Variants in CNTNAP5 observed in about 807,000 individuals in gnomAD.
CNTNAP5 encodes the protein contactin-associated protein-like 5.
CNTNAP5 carries 72 observed loss-of-function variants against 150.2 expected under a neutral mutation model. The observed-to-expected ratio is 0.48, with a 90% CI of 0.40 to 0.58. CNTNAP5 has a LOEUF of 0.58. Ranked by LOEUF, CNTNAP5 falls within the 20% of genes least tolerant of loss-of-function variation. The pLI, the probability that CNTNAP5 is intolerant of heterozygous loss-of-function variation, is 0.00. For missense variants in CNTNAP5, 1,636 were observed against 1,626.2 expected, an observed-to-expected ratio of 1.01 and a Z score of -0.10; for synonymous variants, 672 against 619.8, an observed-to-expected ratio of 1.08 and a Z score of -1.25.
intron 11 of CNTNAP5, among the ~76,000 whole-genome samples, chr2:124,572,754 C>A (rs1229499493): frequency 6.6e-6 from 1 of 152,166 alleles, no homozygotes; most frequent in African/African-American, 2.4e-5. Flanking sequence ...ACTCCGGCGG[C>A]TCTTCAAACA....
chr2:124,029,669 C>G (rs191132048), intron 1 of CNTNAP5, among the ~76,000 whole-genome samples: 22 of 152,044 alleles, frequency 1.4e-4, no homozygotes, highest in Non-Finnish European at 1.5e-5. Context: ...TCCTTTGTTC[C>G]TCTGCCCAAT....
chr2:124,384,751 G>C (rs774497647), intron 3 of CNTNAP5, among the ~76,000 whole-genome samples: 5 of 152,182 alleles, frequency 3.3e-5, no homozygotes, highest in African/African-American at 4.8e-5. Context: ...TGGATTTCTT[G>C]TCCCTCCGCT....
chr2:124,883,295 C>T (rs1678007150), intron 21 of CNTNAP5, among the ~76,000 whole-genome samples: 1 of 151,894 alleles, frequency 6.6e-6, no homozygotes, highest in African/African-American at 2.4e-5. Flanking sequence ...CTCATGGGCT[C>T]AAGCAATCTA....
At chr2:124,655,945 G>GAGAGAGAAAGAAAGAAAGAA (rs1553427800) in intron 13 of CNTNAP5, among the ~76,000 whole-genome samples, 20 of 55,520 alleles carry the variant, frequency 3.6e-4, no homozygotes, top group South Asian at 2.3e-3. Flanking sequence ...GAGAGAGAGA[G>GAGAGAGAAAGAAAGAAAGAA]AGAAAGAAAG....
chr2:124,655,941 G>GAAAGAAAGAA (rs1180720883), intron 13 of CNTNAP5, among the ~76,000 whole-genome samples: 2,026 of 57,460 alleles, frequency 0.035, 25 homozygotes, highest in African/African-American at 0.055. Context: ...GAGAGAGAGA[G>GAAAGAAAGAA]AGAGAGAAAG....
chr2:124,192,369 G>A (rs1685479626), intron 1 of CNTNAP5, among the ~76,000 whole-genome samples: 1 of 152,124 alleles, frequency 6.6e-6, no homozygotes, highest in Admixed American at 6.6e-5. Context: ...TGCAGCCCTG[G>A]CACTTCTTTG....
intron 11 of CNTNAP5, among the ~76,000 whole-genome samples, chr2:124,579,894 A>C (rs186605097): frequency 3.3e-5 from 5 of 152,360 alleles, no homozygotes; most frequent in African/African-American, 1.2e-4. Context: ...TTTTGGACTG[A>C]GTTCATGCAC....
chr2:124,820,560 G>A (rs1218676610), intron 19 of CNTNAP5, among the ~76,000 whole-genome samples: 1 of 152,070 alleles, frequency 6.6e-6, no homozygotes, highest in African/African-American at 2.4e-5. Context: ...GAAAGCAAAA[G>A]AGAAGCAAAC....
chr2:124,147,419 G>A (rs1684281754), intron 1 of CNTNAP5, among the ~76,000 whole-genome samples: 1 of 152,174 alleles, frequency 6.6e-6, no homozygotes, highest in Non-Finnish European at 1.5e-5. Flanking sequence ...GCGGAATAAA[G>A]AGAGTATTAG....
At chr2:124,518,131 A>C (rs1694771636) in intron 8 of CNTNAP5, among the ~76,000 whole-genome samples, 1 of 152,116 alleles carries the variant, frequency 6.6e-6, no homozygotes, top group Non-Finnish European at 1.5e-5. Context: ...ACCCCACTTT[A>C]AGCCCAAACC....
rs564421761 is a variant in CNTNAP5, at chr2:124,159,212, A to AT, written c.83-62486dup. ...GTTTTGGTTGTTTCTTTTTATTCAG[A>AT]TTTTTTTAAAAGGTTTAGGTGATAT... On this transcript the variant is annotated intron_variant, in intron 1 of 23. Transcript: ENST00000682447. 5.6e-3 allele frequency among the ~76,000 whole-genome samples: 853 copies of AT among 152,276 alleles called. 9 individuals carry two copies. The highest frequency in any genetic ancestry group is 0.019 in the African/African-American group (781 of 41,552).
intron 3 of CNTNAP5, among the ~76,000 whole-genome samples, chr2:124,279,745 G>C (rs1377672725): frequency 6.6e-6 from 1 of 152,042 alleles, no homozygotes; most frequent in Non-Finnish European, 1.5e-5. Context: ...TAGAGAGAAA[G>C]GATGTGAGAG....
chr2:124,731,671 C>A (rs1456189046), intron 13 of CNTNAP5, among the ~76,000 whole-genome samples: 1 of 151,654 alleles, frequency 6.6e-6, no homozygotes, highest in African/African-American at 2.4e-5. Flanking sequence ...GAGCAAAGGG[C>A]AATCTTGGGT....
chr2:124,401,476 A>G (rs1691424144), intron 3 of CNTNAP5, among the ~76,000 whole-genome samples: 1 of 152,250 alleles, frequency 6.6e-6, no homozygotes, highest in Non-Finnish European at 1.5e-5. Context: ...GACTACTTAT[A>G]TACAAAAGTT....
chr2:124,809,749 G>C (rs550206508), intron 19 of CNTNAP5, among the ~76,000 whole-genome samples: 1 of 152,208 alleles, frequency 6.6e-6, no homozygotes, highest in South Asian at 2.1e-4. Flanking sequence ...AAATCAGAGG[G>C]TCAAAATGTA....
At chr2:124,045,471 T>G (rs1366209546) in intron 1 of CNTNAP5, among the ~76,000 whole-genome samples, 1 of 151,886 alleles carries the variant, frequency 6.6e-6, no homozygotes, top group South Asian at 2.1e-4. Context: ...CAAATTTTTA[T>G]ATTTTTAGTA....
chr2:124,469,579 T>C (rs1041906763), intron 6 of CNTNAP5, among the ~76,000 whole-genome samples: 1 of 151,022 alleles, frequency 6.6e-6, no homozygotes, highest in Non-Finnish European at 1.5e-5. Context: ...CATTTTTAAA[T>C]TTTATGTTAA....
intron 3 of CNTNAP5, among the ~76,000 whole-genome samples, chr2:124,412,860 A>C (rs1232528458): frequency 3.5e-4 from 36 of 102,962 alleles, no homozygotes; most frequent in South Asian, 1.6e-3. Flanking sequence ...CAATGGCAAC[A>C]AAAGCCAAAA....
At chr2:124,758,775 T>A (rs973759252) in intron 14 of CNTNAP5, among the ~76,000 whole-genome samples, 2 of 151,818 alleles carry the variant, frequency 1.3e-5, no homozygotes, top group African/African-American at 4.8e-5. Flanking sequence ...AGGTACAACA[T>A]AAAGAGAGAG....
Sources: gnomAD v4.1 joint callset for allele counts (sites outside exome capture counted in the v4.1 genomes callset) on GRCh38, gnomAD v4.1.1 for gene constraint, MANE v1.5 for transcripts, NCBI Gene and HGNC (gene_info 2026-07-23, HGNC 2026-07-21) for gene names.